FGD4: variants seen among roughly 807,000 people sequenced by gnomAD.
The protein encoded by FGD4 is FYVE, RhoGEF and PH domain-containing protein 4.
FGD4 carries 42 observed loss-of-function variants against 102.0 expected under a neutral mutation model. That is an observed-to-expected ratio of 0.41 (90% confidence interval 0.32 to 0.53). FGD4 has a LOEUF of 0.53. FGD4 is among the 20% of genes least tolerant of loss of function. The pLI is 0.21. For missense variants in FGD4, 902 were observed against 1,078.2 expected (o/e 0.84, Z 2.29); for synonymous variants, 380 against 375.7 (o/e 1.01, Z -0.13).
chr12:32,420,076 T>C (rs549571893), intron 1 of FGD4, among the ~76,000 whole-genome samples: 55 of 152,326 alleles, frequency 3.6e-4, no homozygotes, highest in African/African-American at 1.3e-3. Flanking sequence ...GCCTTTTGTA[T>C]GTAGTTAGTT....
At chr12:32,472,607 C>G (rs1406882690) in intron 1 of FGD4, among the ~76,000 whole-genome samples, 1 of 152,242 alleles carries the variant, frequency 6.6e-6, no homozygotes, top group South Asian at 2.1e-4. Flanking sequence ...GCCCAAGCCT[C>G]CCGGACGAGC....
intron 3 of FGD4, among the ~76,000 whole-genome samples, chr12:32,581,709 C>G (rs1403236304): frequency 6.6e-6 from 1 of 152,008 alleles, no homozygotes; most frequent in Non-Finnish European, 1.5e-5. Context: ...AAATAAACAG[C>G]CCAAGGAAAT....
chr12:32,451,704 C>G lies in FGD4; in HGVS notation c.166+51745C>G, dbSNP rs143410915. 5.6e-4 allele frequency among the ~76,000 whole-genome samples: 85 copies of G among 151,638 alleles called. 2 individuals carry two copies. The East Asian group carries it at 0.016, about 29-fold the overall frequency. On this transcript the variant is annotated intron_variant, in intron 1 of 16. Coordinates refer to ENST00000534526, the MANE Select transcript of FGD4 (RefSeq NM_001370298.3). Reference sequence around the variant, plus strand: ...GGTGGATCACCCGAGGTCAGGAGTTCAAGACCAGCCTGGCCAACATGGCGA... The same window carrying G: ...GGTGGATCACCCGAGGTCAGGAGTTGAAGACCAGCCTGGCCAACATGGCGA...
intron 7 of FGD4, among the ~76,000 whole-genome samples, chr12:32,607,707 G>A (rs1948871572): frequency 6.6e-6 from 1 of 152,180 alleles, no homozygotes; most frequent in African/African-American, 2.4e-5. Context: ...TAGAGGCGGG[G>A]TTTTGCCATG....
intron 11 of FGD4, among the ~76,000 whole-genome samples, chr12:32,620,979 G>A (rs545773161): frequency 9.0e-4 from 137 of 151,830 alleles, no homozygotes; most frequent in Non-Finnish European, 1.6e-3. Context: ...CATTTTTAAA[G>A]GATAAAAATC....
intron 1 of FGD4, among the ~76,000 whole-genome samples, chr12:32,551,089 A>G (rs926086294): frequency 3.9e-5 from 6 of 152,216 alleles, no homozygotes; most frequent in African/African-American, 4.8e-5. Flanking sequence ...AAAATGGTCT[A>G]TTGGTAATCC....
At chr12:32,499,134 A>T (rs1343062381) in intron 1 of FGD4, among the ~76,000 whole-genome samples, 1 of 152,232 alleles carries the variant, frequency 6.6e-6, no homozygotes, top group East Asian at 1.9e-4. Flanking sequence ...AGGTTATTCC[A>T]TCTCTGCCTA....
chr12:32,561,069 G>GTTTTTTTTTTTTT (rs1565841408), intron 1 of FGD4, among the ~76,000 whole-genome samples: 6 of 92,010 alleles, frequency 6.5e-5, no homozygotes, highest in African/African-American at 1.2e-4. Context: ...TTCTTTGTTG[G>GTTTTTTTTTTTTT]GTTTTGTTTT....
chr12:32,483,293 A>G (rs1181133508), intron 1 of FGD4, among the ~76,000 whole-genome samples: 4 of 152,248 alleles, frequency 2.6e-5, no homozygotes, highest in Non-Finnish European at 1.5e-5. Context: ...AAGGCAGAGA[A>G]TCTGTGCAGA....
chr12:32,433,833 A>G (rs576871739), intron 1 of FGD4, among the ~76,000 whole-genome samples: 2 of 151,762 alleles, frequency 1.3e-5, no homozygotes, highest in Non-Finnish European at 2.9e-5. Context: ...ACCTGATAAT[A>G]TATTTACTTA....
In FGD4 at chr12:32,644,888, C is replaced by CAAAAAAAA. The variant is rs35874340; in HGVS notation, c.*4362_*4369dup. On this transcript the variant is annotated 3_prime_UTR_variant, in exon 17 of 17. Transcript: ENST00000534526. ...TCATTTTCTGTACTGTTTACTGAGGCAAAAAAAAAAAAAATCTGAAGTCAA... is the reference window on the plus strand; with the variant it reads ...TCATTTTCTGTACTGTTTACTGAGGCAAAAAAAAAAAAAAAAAAAAAATCTGAAGTCAA... The CAAAAAAAA allele has an allele frequency of 7.1e-6, 1 of 141,452 alleles. No homozygotes were observed. 8.8% of individuals were successfully genotyped at this position (141,452 alleles called of 1,614,324 possible).
chr12:32,454,953 G>A (rs951657453), intron 1 of FGD4, among the ~76,000 whole-genome samples: 1 of 152,110 alleles, frequency 6.6e-6, no homozygotes, highest in Admixed American at 6.6e-5. Flanking sequence ...GGGGAGCTTT[G>A]ACCTACTTAG....
intron 1 of FGD4, among the ~76,000 whole-genome samples, chr12:32,489,725 C>T (rs10506086): frequency 0.16 from 23,714 of 152,038 alleles, 2,060 homozygotes; most frequent in Non-Finnish European, 0.21. Context: ...ATTCCTGATC[C>T]TGAGAAGAAT....
intron 1 of FGD4, among the ~76,000 whole-genome samples, chr12:32,453,424 G>C (rs1463812049): frequency 6.6e-6 from 1 of 151,336 alleles, no homozygotes; most frequent in Non-Finnish European, 1.5e-5. Flanking sequence ...AGTAGAGATG[G>C]GGTTTTGCCA....
intron 1 of FGD4, among the ~76,000 whole-genome samples, chr12:32,509,402 T>TAAGA (rs1336378561): frequency 6.6e-6 from 1 of 152,138 alleles, no homozygotes; most frequent in African/African-American, 2.4e-5. Context: ...CTCAGGTGGT[T>TAAGA]AGTCATTGTC....
intron 4 of FGD4, among the ~76,000 whole-genome samples, chr12:32,596,960 A>C (rs1037047946): frequency 2.0e-5 from 3 of 152,072 alleles, no homozygotes; most frequent in Non-Finnish European, 4.4e-5. Flanking sequence ...CAAAAAGAGA[A>C]GTACATGGAA....
intron 1 of FGD4, among the ~76,000 whole-genome samples, chr12:32,464,760 T>C (rs1440737608): frequency 5.3e-5 from 8 of 152,236 alleles, no homozygotes; most frequent in Admixed American, 5.2e-4. Context: ...TTAAGGGTCA[T>C]AGTTTCATAA....
intron 1 of FGD4, among the ~76,000 whole-genome samples, chr12:32,416,394 G>C (rs1362095909): frequency 6.6e-6 from 1 of 152,080 alleles, no homozygotes; most frequent in Non-Finnish European, 1.5e-5. Flanking sequence ...TTTGTCTTCT[G>C]GTTGTTTTTT....
At chr12:32,604,634 A>G (rs923601840) in intron 7 of FGD4, among the ~76,000 whole-genome samples, 2 of 152,114 alleles carry the variant, frequency 1.3e-5, no homozygotes, top group Non-Finnish European at 2.9e-5. Context: ...AGGGATCTTC[A>G]CTTCTACTGA....
Sources: gnomAD v4.1 joint callset for allele counts (sites outside exome capture counted in the v4.1 genomes callset) on GRCh38, gnomAD v4.1.1 for gene constraint, MANE v1.5 for transcripts, NCBI Gene and HGNC (gene_info 2026-07-23, HGNC 2026-07-21) for gene names.